The following SYT14 variants were observed in gnomAD, a reference collection of about 807,000 sequenced individuals.
SYT14 encodes synaptotagmin 14.
SYT14 carries 32 observed loss-of-function variants against 74.2 expected under a neutral mutation model. The ratio of observed to expected loss-of-function variants is 0.43; its 90% CI spans 0.33 to 0.58. SYT14 has a LOEUF of 0.58. SYT14 is among the 20% of genes least tolerant of loss of function. SYT14 has a pLI of 0.05. For synonymous variants in SYT14, 298 were observed against 337.7 expected (o/e 0.88, Z 1.29); for missense variants, 791 against 981.8 (o/e 0.81, Z 2.60).
intron 2 of SYT14, among the ~76,000 whole-genome samples, chr1:209,986,912 A>T (rs911739868): frequency 5.3e-5 from 8 of 152,134 alleles, no homozygotes; most frequent in African/African-American, 1.7e-4. Context: ...ATGAGCCACC[A>T]TACCCGACCC....
chr1:209,991,832 G>GAAA (rs1301656205), intron 2 of SYT14, among the ~76,000 whole-genome samples: 2 of 124,696 alleles, frequency 1.6e-5, no homozygotes, highest in African/African-American at 6.0e-5. Flanking sequence ...TCCGTCTCGA[G>GAAA]AAAAAAAAAA....
chr1:210,118,288 C>T (rs2082396814), intron 7 of SYT14, among the ~76,000 whole-genome samples: 1 of 152,126 alleles, frequency 6.6e-6, no homozygotes, highest in Non-Finnish European at 1.5e-5. Context: ...AGGGAGACAA[C>T]ATTCAAATTC....
chr1:210,155,682 T>C (rs2083254073), intron 7 of SYT14, 39 bp from the exon 7 acceptor site: 4 of 1,604,804 alleles, frequency 2.5e-6, no homozygotes, highest in Non-Finnish European at 3.4e-6. Context: ...AATATATCTC[T>C]CTTGCAAAAT....
At chr1:209,946,647 T>C (rs1242288892) in intron 1 of SYT14, among the ~76,000 whole-genome samples, 1 of 152,132 alleles carries the variant, frequency 6.6e-6, no homozygotes, top group East Asian at 1.9e-4. Flanking sequence ...AACATAAAAG[T>C]GTGAGGTGAA....
At chr1:210,162,699 A>G (rs1249699714) in exon 10 of SYT14, 2 of 450,604 alleles carry the variant, frequency 4.4e-6, no homozygotes, top group Non-Finnish European at 8.9e-6. Context: ...CAATGCGTAG[A>G]TATTACTTCA....
At chr1:209,938,323 C>G in intron 1 of SYT14, 46 bp downstream of exon 1, 1 of 1,532,122 alleles carries the variant, frequency 6.5e-7, no homozygotes, top group Non-Finnish European at 8.8e-7. Context: ...GACCACCCAG[C>G]TGGCGGGGGG....
intron 2 of SYT14, among the ~76,000 whole-genome samples, chr1:209,960,634 C>T (rs956733873): frequency 6.6e-6 from 1 of 152,080 alleles, no homozygotes; most frequent in African/African-American, 2.4e-5. Flanking sequence ...TTGAATGCTG[C>T]TCATCACTAG....
chr1:210,006,596 G>A (rs1269295032), intron 2 of SYT14, among the ~76,000 whole-genome samples: 1 of 151,828 alleles, frequency 6.6e-6, no homozygotes, highest in Admixed American at 6.6e-5. Context: ...TGGAGTTAGA[G>A]GATTAGTGTT....
intron 4 of SYT14, among the ~76,000 whole-genome samples, chr1:210,020,053 CT>C (rs1345214024): frequency 1.3e-5 from 2 of 152,124 alleles, no homozygotes; most frequent in East Asian, 3.8e-4. Context: ...ATAGTTTTGT[CT>C]GTGCATACCT....
At chr1:210,152,494 A>T (rs1301422672) in intron 7 of SYT14, among the ~76,000 whole-genome samples, 4 of 151,900 alleles carry the variant, frequency 2.6e-5, no homozygotes, top group Non-Finnish European at 5.9e-5. Context: ...ATTTATTTTT[A>T]TCGTTGTATA....
At chr1:209,972,702 T>C (rs56131913) in intron 2 of SYT14, among the ~76,000 whole-genome samples, 34,952 of 152,170 alleles carry the variant, frequency 0.23, 4,332 homozygotes, top group Middle Eastern at 0.3. Flanking sequence ...TTCACTGTGA[T>C]CTGAACGTAT....
intron 5 of SYT14, among the ~76,000 whole-genome samples, chr1:210,036,410 G>C (rs1403915906): frequency 6.6e-6 from 1 of 151,960 alleles, no homozygotes; most frequent in Non-Finnish European, 1.5e-5. Flanking sequence ...TTTCCAGTTT[G>C]GATGACCTTT....
rs143142142 is a variant in SYT14 at position 210,025,525 on chromosome 1, T to C, written c.1312+4271T>C. On this transcript the variant is annotated intron_variant, in intron 5 of 9. Coordinates refer to ENST00000637265, the Ensembl canonical transcript of SYT14. Reference sequence around the variant, plus strand: ...GGCATAATATTTACCTCATTAATGCTAATAAGGAACCTTTAGTGTATTTCT... The same window carrying C: ...GGCATAATATTTACCTCATTAATGCCAATAAGGAACCTTTAGTGTATTTCT... 2.2e-3 allele frequency among the ~76,000 whole-genome samples: 337 copies of C among 152,286 alleles called. 1 individual carries two copies. The highest frequency in any genetic ancestry group is 2.7e-3 in the Non-Finnish European group (182 of 68,018).
At chr1:210,080,739 A>G (rs1482777405) in intron 5 of SYT14, among the ~76,000 whole-genome samples, 1 of 152,164 alleles carries the variant, frequency 6.6e-6, no homozygotes, top group Non-Finnish European at 1.5e-5. Context: ...AGTTAATGTT[A>G]AATGTTAACA....
intron 7 of SYT14, among the ~76,000 whole-genome samples, chr1:210,143,686 T>C (rs958384010): frequency 3.9e-5 from 6 of 152,158 alleles, no homozygotes; most frequent in Non-Finnish European, 7.4e-5. Flanking sequence ...TCTTACAATG[T>C]ATAAAATGTG....
intron 2 of SYT14, among the ~76,000 whole-genome samples, chr1:210,007,888 T>C (rs752973657): frequency 3.3e-5 from 5 of 152,174 alleles, no homozygotes; most frequent in Non-Finnish European, 7.4e-5. Context: ...ATAGTACTTA[T>C]CATAAATTGT....
exon 10 of SYT14, chr1:210,163,903 T>C (rs1226923715): frequency 2.2e-6 from 1 of 453,662 alleles, no homozygotes; most frequent in African/African-American, 2.0e-5. Flanking sequence ...AGGTGTTGGC[T>C]CAGAAACCTG....
chr1:210,104,894 A>G (rs778689315), intron 7 of SYT14, among the ~76,000 whole-genome samples: 1 of 152,092 alleles, frequency 6.6e-6, no homozygotes, highest in African/African-American at 2.4e-5. Flanking sequence ...TATTTTCATT[A>G]TTATATATAT....
At chr1:210,064,472 C>G (rs1230457710) in intron 5 of SYT14, among the ~76,000 whole-genome samples, 1 of 151,980 alleles carries the variant, frequency 6.6e-6, no homozygotes, top group Non-Finnish European at 1.5e-5. Flanking sequence ...TATCTTCTGT[C>G]TCTATGAATT....
Sources: allele counts gnomAD v4.1 joint callset (sites outside exome capture counted in the v4.1 genomes callset), GRCh38; gene constraint gnomAD v4.1.1; transcripts MANE v1.5; gene names NCBI Gene and HGNC (gene_info 2026-07-23, HGNC 2026-07-21).